The following ZCCHC17 variants were observed in gnomAD, a reference collection of about 807,000 sequenced individuals.
ZCCHC17 encodes the protein zinc finger CCHC domain-containing protein 17.
Under a neutral mutation model 30.6 loss-of-function variants are expected in ZCCHC17, and 18 were observed. The observed-to-expected ratio is 0.59, with a 90% CI of 0.41 to 0.87. The LOEUF is 0.87. ZCCHC17 is among the 40% of genes least tolerant of loss of function. The pLI is 0.00. For synonymous variants in ZCCHC17, 88 were observed against 92.4 expected, an observed-to-expected ratio of 0.95 and a Z score of 0.27; for missense variants, 263 against 284.2, an observed-to-expected ratio of 0.93 and a Z score of 0.54.
At chr1:31,312,673 T>G (rs1482059931) in intron 2 of ZCCHC17, among the ~76,000 whole-genome samples, 1 of 152,154 alleles carries the variant, frequency 6.6e-6, no homozygotes, top group African/African-American at 2.4e-5. Flanking sequence ...TGAGACATAG[T>G]AGGAATTAAT....
At chr1:31,304,874 C>T (rs1412988281) in intron 1 of ZCCHC17, among the ~76,000 whole-genome samples, 1 of 152,076 alleles carries the variant, frequency 6.6e-6, no homozygotes, top group Non-Finnish European at 1.5e-5. Context: ...GGATTACAGG[C>T]GTGAGCCACC....
chr1:31,318,299 GACA>G, intron 2 of ZCCHC17: 1 of 1,366,070 alleles, frequency 7.3e-7, no homozygotes, highest in South Asian at 1.3e-5. Context: ...AGCATATAGT[GACA>G]ACATTACCCT....
intron 7 of ZCCHC17, among the ~76,000 whole-genome samples, chr1:31,349,669 A>G (rs1192624493): frequency 6.6e-6 from 1 of 152,198 alleles, no homozygotes; most frequent in Non-Finnish European, 1.5e-5. Flanking sequence ...AGATATATAT[A>G]GCTACACATA....
chr1:31,355,238 C>T (rs1639604095), intron 7 of ZCCHC17, among the ~76,000 whole-genome samples: 1 of 151,286 alleles, frequency 6.6e-6, no homozygotes, highest in Admixed American at 6.6e-5. Flanking sequence ...CATGAGTCCT[C>T]TTTGATTAAA....
chr1:31,331,556 G>C (rs190586417), intron 3 of ZCCHC17, among the ~76,000 whole-genome samples: 39 of 152,194 alleles, frequency 2.6e-4, no homozygotes, highest in Non-Finnish European at 4.0e-4. Context: ...AGTTGGCAGA[G>C]TTTATCTTGC....
At chr1:31,306,684 T>A (rs1410783802) in intron 1 of ZCCHC17, among the ~76,000 whole-genome samples, 1 of 152,114 alleles carries the variant, frequency 6.6e-6, no homozygotes, top group Non-Finnish European at 1.5e-5. Flanking sequence ...CAGTTTTTTT[T>A]TGAGATAAGG....
At chr1:31,355,672 G>A (rs967325445) in intron 7 of ZCCHC17, among the ~76,000 whole-genome samples, 1 of 152,136 alleles carries the variant, frequency 6.6e-6, no homozygotes, top group Middle Eastern at 3.2e-3. Context: ...TGTATTATCT[G>A]CTTCATAGGT....
At chr1:31,327,673 T>G (rs544640065) in intron 3 of ZCCHC17, among the ~76,000 whole-genome samples, 5 of 152,198 alleles carry the variant, frequency 3.3e-5, no homozygotes, top group African/African-American at 1.2e-4. Context: ...CGACTGCTGT[T>G]GCAGTGCTTG....
At chr1:31,344,051 C>T (rs1490223166) in intron 5 of ZCCHC17, among the ~76,000 whole-genome samples, 2 of 151,894 alleles carry the variant, frequency 1.3e-5, no homozygotes, top group African/African-American at 4.8e-5. Context: ...GACGGGGTTT[C>T]TCCATGTTGG....
chr1:31,313,784 C>T (rs185582557), intron 2 of ZCCHC17, among the ~76,000 whole-genome samples: 12 of 152,298 alleles, frequency 7.9e-5, no homozygotes, highest in Admixed American at 2.0e-4. Flanking sequence ...GAAGAACACT[C>T]TGCCCTCCAC....
intron 3 of ZCCHC17, among the ~76,000 whole-genome samples, chr1:31,335,361 AAATGTTATT>A (rs1638774920): frequency 6.6e-6 from 1 of 152,220 alleles, no homozygotes; most frequent in Non-Finnish European, 1.5e-5. Context: ...GTGTTTTATT[AAATGTTATT>A]AAAATATTAT....
intron 6 of ZCCHC17, among the ~76,000 whole-genome samples, chr1:31,347,673 T>C (rs1639323279): frequency 6.6e-6 from 1 of 152,114 alleles, no homozygotes; most frequent in South Asian, 2.1e-4. Flanking sequence ...AGTGTAGTGT[T>C]ATGATCATGG....
At chr1:31,303,700 A>G (rs896376789) in intron 1 of ZCCHC17, among the ~76,000 whole-genome samples, 2 of 152,220 alleles carry the variant, frequency 1.3e-5, no homozygotes, top group Admixed American at 1.3e-4. Context: ...TGTACAGATA[A>G]CATTTTTCTG....
intron 2 of ZCCHC17, among the ~76,000 whole-genome samples, chr1:31,312,397 A>G (rs1053194903): frequency 9.2e-5 from 14 of 152,184 alleles, no homozygotes; most frequent in African/African-American, 3.1e-4. Flanking sequence ...TAAGTGCTTG[A>G]TACATTTTTG....
chr1:31,321,158 C>G (rs1646851389), intron 3 of ZCCHC17, among the ~76,000 whole-genome samples: 1 of 152,100 alleles, frequency 6.6e-6, no homozygotes, highest in African/African-American at 2.4e-5. Flanking sequence ...CTCGTAATCC[C>G]CATGTGCTGT....
At chr1:31,319,289 A>G (rs1646806991) in intron 3 of ZCCHC17, 123 bp downstream of exon 3, 2 of 815,456 alleles carry the variant, frequency 2.5e-6, no homozygotes, top group Non-Finnish European at 3.9e-6. Flanking sequence ...TTTTCTTTTT[A>G]ATGTATAGAT....
chr1:31,340,624 G>C (rs926960335), intron 5 of ZCCHC17, among the ~76,000 whole-genome samples: 1 of 152,090 alleles, frequency 6.6e-6, no homozygotes, highest in Non-Finnish European at 1.5e-5. Context: ...GCCCTTGGAG[G>C]GTTTATTAAC....
At chr1:31,347,245 G>A (rs1287923855) in intron 6 of ZCCHC17, among the ~76,000 whole-genome samples, 1 of 152,062 alleles carries the variant, frequency 6.6e-6, no homozygotes, top group Admixed American at 6.5e-5. Context: ...ATTTCCTCAG[G>A]TTTCCTCTAC....
chr1:31,301,867 A>G lies in ZCCHC17; in HGVS notation c.-56+4792A>G, dbSNP rs905740772. On this transcript the variant is annotated intron_variant, in intron 1 of 7. Coordinates refer to ENST00000344147, the MANE Select transcript of ZCCHC17 (RefSeq NM_016505.4). ...CGACTGGAATTTGAAAGCAAGAAGC[A>G]TCTATCTTACATGGTCACTCTAGAA... is the stretch of plus-strand genomic sequence containing the variant. 8.5e-5 allele frequency among the ~76,000 whole-genome samples: 13 copies of G among 152,204 alleles called. 1 individual carries two copies. The highest frequency in any genetic ancestry group is 1.5e-5 in the Non-Finnish European group (1 of 68,038).
Sources: allele counts gnomAD v4.1 joint callset (sites outside exome capture counted in the v4.1 genomes callset), GRCh38; gene constraint gnomAD v4.1.1; transcripts MANE v1.5; gene names NCBI Gene and HGNC (gene_info 2026-07-23, HGNC 2026-07-21).